SND1: variants seen among roughly 807,000 people sequenced by gnomAD.
SND1 encodes the protein staphylococcal nuclease and tudor domain containing 1.
In SND1, 38 loss-of-function variants were observed where a neutral mutation model predicts 121.7. The observed-to-expected ratio is 0.31, with a 90% confidence interval of 0.24 to 0.41. The LOEUF (loss-of-function observed/expected upper bound fraction) is 0.41. Among genes scored for constraint, SND1 ranks in the 10% least tolerant of loss-of-function variants. The pLI is 1.00. For missense variants in SND1, 868 were observed against 1,184.6 expected (o/e 0.73, Z 3.92); for synonymous variants, 401 against 447.4 (o/e 0.90, Z 1.31).
chr7:127,836,690 C>G (rs1308956770), intron 11 of SND1, among the ~76,000 whole-genome samples: 1 of 152,116 alleles, frequency 6.6e-6, no homozygotes, highest in African/African-American at 2.4e-5. Flanking sequence ...CAGCAATTAA[C>G]AGAAGCCTTA....
At chr7:128,005,499 C>G (rs1802943339) in intron 16 of SND1, among the ~76,000 whole-genome samples, 1 of 152,194 alleles carries the variant, frequency 6.6e-6, no homozygotes, top group Non-Finnish European at 1.5e-5. Flanking sequence ...AGATCAATAG[C>G]AATTCACCTT....
chr7:127,896,158 T>C (rs1488554123), intron 13 of SND1, among the ~76,000 whole-genome samples: 1 of 152,078 alleles, frequency 6.6e-6, no homozygotes, highest in Non-Finnish European at 1.5e-5. Flanking sequence ...TAGCCATCAA[T>C]GTGTCTTCCC....
chr7:127,706,665 T>A (rs1378668148), intron 8 of SND1, among the ~76,000 whole-genome samples: 1 of 152,172 alleles, frequency 6.6e-6, no homozygotes, highest in Non-Finnish European at 1.5e-5. Flanking sequence ...GTGCTCATCA[T>A]TAAAAAACAA....
At chr7:127,905,084 G>A (rs1314268442) in intron 14 of SND1, among the ~76,000 whole-genome samples, 3 of 152,098 alleles carry the variant, frequency 2.0e-5, no homozygotes, top group Non-Finnish European at 4.4e-5. Flanking sequence ...TGTATTTTGA[G>A]TTTGGAAGGT....
intron 11 of SND1, among the ~76,000 whole-genome samples, chr7:127,829,543 C>T (rs1354249275): frequency 6.6e-6 from 1 of 152,206 alleles, no homozygotes; most frequent in Non-Finnish European, 1.5e-5. Flanking sequence ...CCACTGACTG[C>T]TCTCAACTGA....
At chr7:127,736,959 G>A (rs1322503919) in intron 10 of SND1, among the ~76,000 whole-genome samples, 3 of 152,210 alleles carry the variant, frequency 2.0e-5, no homozygotes, top group Non-Finnish European at 4.4e-5. Flanking sequence ...CTGCTCTGTC[G>A]GGTACTTCTA....
chr7:128,040,747 C>A (rs1243352076), intron 16 of SND1, among the ~76,000 whole-genome samples: 1 of 152,230 alleles, frequency 6.6e-6, no homozygotes, highest in Non-Finnish European at 1.5e-5. Context: ...TGTATCTCTT[C>A]CATGGCCTCC....
intron 16 of SND1, among the ~76,000 whole-genome samples, chr7:128,020,079 G>A (rs1396973786): frequency 6.6e-6 from 1 of 152,242 alleles, no homozygotes; most frequent in Non-Finnish European, 1.5e-5. Flanking sequence ...CTTGTAGAGA[G>A]AAGGGGAAGG....
chr7:127,705,567 G>A lies in SND1; in HGVS notation c.947+622G>A, dbSNP rs73450974. 1.9e-3 allele frequency among the ~76,000 whole-genome samples: 284 copies of A among 150,334 alleles called. 1 individual carries two copies. The highest frequency in any genetic ancestry group is 6.0e-3 in the African/African-American group (244 of 40,614). ...ATTAGTCGACATTTCAACTGTCAGC[G>A]TCAAGATGTAGATGCAGATGTAGAT... On this transcript the variant is annotated intron_variant, in intron 8 of 23. Transcript: ENST00000354725.
At chr7:128,066,959 C>T (rs1290772299) in intron 16 of SND1, among the ~76,000 whole-genome samples, 1 of 152,182 alleles carries the variant, frequency 6.6e-6, no homozygotes, top group Non-Finnish European at 1.5e-5. Context: ...AGTCATTATT[C>T]AGTTCCCGTC....
At chr7:127,844,088 G>C (rs1044130793) in intron 11 of SND1, among the ~76,000 whole-genome samples, 21 of 152,076 alleles carry the variant, frequency 1.4e-4, no homozygotes, top group African/African-American at 5.1e-4. Flanking sequence ...TATTATTGTT[G>C]AGTTTTAAGA....
At chr7:127,675,694 C>CT (rs903563633) in intron 1 of SND1, among the ~76,000 whole-genome samples, 3 of 152,156 alleles carry the variant, frequency 2.0e-5, no homozygotes, top group Admixed American at 1.3e-4. Context: ...TAGTGATACT[C>CT]TTTTTTATGT....
chr7:127,970,936 C>G (rs1471014285), intron 15 of SND1, among the ~76,000 whole-genome samples: 2 of 150,626 alleles, frequency 1.3e-5, no homozygotes, highest in Non-Finnish European at 2.9e-5. Context: ...AAAGCGAGAC[C>G]CTGTCTCTAT....
chr7:128,050,392 A>G (rs776326381), intron 16 of SND1, among the ~76,000 whole-genome samples: 9 of 152,240 alleles, frequency 5.9e-5, no homozygotes, highest in Non-Finnish European at 8.8e-5. Context: ...TTTTCCCCAG[A>G]TAACTTATCC....
intron 12 of SND1, among the ~76,000 whole-genome samples, chr7:127,861,263 C>G (rs1384201795): frequency 6.6e-6 from 1 of 152,154 alleles, no homozygotes; most frequent in African/African-American, 2.4e-5. Flanking sequence ...GGTTGCTTTT[C>G]AGGGAGAGAT....
intron 16 of SND1, among the ~76,000 whole-genome samples, chr7:128,037,465 C>T (rs1792770815): frequency 6.6e-6 from 1 of 152,224 alleles, no homozygotes; most frequent in Non-Finnish European, 1.5e-5. Context: ...GACATCATTT[C>T]AAATTCCCGT....
chr7:127,763,736 T>C (rs1797352288), intron 10 of SND1, among the ~76,000 whole-genome samples: 1 of 152,126 alleles, frequency 6.6e-6, no homozygotes, highest in African/African-American at 2.4e-5. Context: ...GTATCATTCT[T>C]ATTTTAAGTA....
chr7:127,859,071 G>C (rs1799334031), intron 12 of SND1, among the ~76,000 whole-genome samples: 1 of 152,184 alleles, frequency 6.6e-6, no homozygotes, highest in Non-Finnish European at 1.5e-5. Context: ...TGTCAGAGCA[G>C]ATCATTCCAG....
chr7:127,767,788 T>G (rs1563006322), intron 10 of SND1, among the ~76,000 whole-genome samples: 1 of 152,232 alleles, frequency 6.6e-6, no homozygotes, highest in Non-Finnish European at 1.5e-5. Flanking sequence ...AAATGTTTAT[T>G]TCCTTAAATT....
Sources: allele counts gnomAD v4.1 joint callset (sites outside exome capture counted in the v4.1 genomes callset), GRCh38; gene constraint gnomAD v4.1.1; transcripts MANE v1.5; gene names NCBI Gene and HGNC (gene_info 2026-07-23, HGNC 2026-07-21).